Variants in KCNJ13 observed in about 807,000 individuals in gnomAD.
KCNJ13 encodes inward rectifier potassium channel 13.
Under a neutral mutation model 24.6 loss-of-function variants are expected in KCNJ13, and 9 were observed. The ratio of observed to expected loss-of-function variants is 0.37; its 90% CI spans 0.22 to 0.64. The LOEUF is 0.64. Among genes scored for constraint, KCNJ13 ranks in the 30% least tolerant of loss-of-function variants. The pLI is 0.64. For missense variants in KCNJ13, 337 were observed against 443.8 expected (o/e 0.76, Z 2.16); for synonymous variants, 148 against 154.7 (o/e 0.96, Z 0.32).
At position 232,766,706 on chromosome 2, in the gene KCNJ13, C is replaced by T. The variant is rs1698977660; in HGVS notation, c.*1485G>A. On this transcript the variant is annotated 3_prime_UTR_variant, in exon 3 of 3. Transcript: ENST00000233826. ...AGTCTTAGACCACTCCAGAGTTCTT[C>T]TTTATTTTCTTTTCCTTTTGGTCAA... 6.6e-6 allele frequency: 1 copy of T among 152,194 alleles called. No homozygotes were observed. Among genetic ancestry groups the T allele is most frequent in the African/African-American group, 2.4e-5 (1 of 41,462 alleles). 9.4% of individuals were successfully genotyped at this position (152,194 alleles called of 1,614,324 possible).
intron 1 of KCNJ13, among the ~76,000 whole-genome samples, chr2:232,775,006 A>G (rs1348557980): frequency 1.3e-5 from 2 of 152,000 alleles, no homozygotes; most frequent in Non-Finnish European, 2.9e-5. Context: ...AACTAAATAC[A>G]TGGAAAAACC....
At chr2:232,773,751 C>G (rs1699381398) in intron 1 of KCNJ13, among the ~76,000 whole-genome samples, 2 of 151,750 alleles carry the variant, frequency 1.3e-5, no homozygotes, top group Non-Finnish European at 2.9e-5. Context: ...TGATGTGAAG[C>G]CAGTGGCACA....
At position 232,766,249 on chromosome 2, in the gene KCNJ13, G is replaced by GT. The variant is rs1267654991; in HGVS notation, c.*1941dup. On this transcript the variant is annotated 3_prime_UTR_variant, in exon 3 of 3. Coordinates refer to ENST00000233826, the MANE Select transcript of KCNJ13 (RefSeq NM_002242.4). The stretch of plus-strand genomic sequence containing the variant: ...ATTAAATAACAGTAGTTTACCAATA[G>GT]TTTTTTTTGGCATGTGTAGGGGAAG... 2.0e-5 allele frequency among the ~76,000 whole-genome samples: 3 copies of GT among 151,912 alleles called. No homozygotes were observed. The highest frequency in any genetic ancestry group is 4.4e-5 in the Non-Finnish European group (3 of 67,956).
In KCNJ13 at chr2:232,768,761, G is replaced by A. The variant is rs765588259; in HGVS notation, c.513C>T (p.Arg171=). Residue 171 remains arginine (R), a synonymous_variant, in exon 3 of 3, where the codon CGC becomes CGT. Transcript: ENST00000233826. The part of the protein sequence containing the change: ...ARPKNRAFSI[R]FTDTAVVAHM... The stretch of plus-strand genomic sequence containing the variant: ...GAGCTACTACTGCTGTGTCAGTAAA[G>A]CGAATTGAAAAAGCTCGATTTTTTG... The A allele has an allele frequency of 1.6e-5, 26 of 1,600,760 alleles. No individual in the cohort carries two copies. The highest frequency in any genetic ancestry group is 2.2e-5 in the Non-Finnish European group (26 of 1,170,646).
chr2:232,768,533 A>G lies in KCNJ13; in HGVS notation c.741T>C (p.Ile247=), dbSNP rs1213869211. ...GAGTAGCCAGAGGACTTGATGGTGTAATGGAGTGATAGTACGTTAGTGGAA... is the reference window on the plus strand; with the variant it reads ...GAGTAGCCAGAGGACTTGATGGTGTGATGGAGTGATAGTACGTTAGTGGAA... The part of the protein sequence containing the change: ...FIFPLTYYHS[I]TPSSPLATLL... Residue 247 remains isoleucine (I), a synonymous_variant, in exon 3 of 3, where the codon ATT becomes ATC. Transcript: ENST00000233826. 6.2e-7 allele frequency: 1 copy of G among 1,614,008 alleles called. No homozygotes were observed. Among genetic ancestry groups the G allele is most frequent in the Non-Finnish European group, 8.5e-7 (1 of 1,179,980 alleles).
intron 1 of KCNJ13, among the ~76,000 whole-genome samples, chr2:232,772,042 T>A (rs1028128527): frequency 2.6e-5 from 4 of 152,222 alleles, no homozygotes; most frequent in African/African-American, 9.6e-5. Flanking sequence ...TGGAGTGCAG[T>A]GGCACAATCA....
At position 232,766,042 on chromosome 2, in the gene KCNJ13, C is replaced by T; in HGVS notation, c.*2149G>A. The T allele has an allele frequency of 2.1e-6, 1 of 470,928 alleles. No homozygotes were observed. Among genetic ancestry groups the T allele is most frequent in the Non-Finnish European group, 4.4e-6 (1 of 226,926 alleles). 29.2% of individuals were successfully genotyped at this position (470,928 alleles called of 1,614,324 possible). ...TTCCTCCCTCCCAGTAATTTCCGCC[C>T]TTTTTCCATTGTTACTTCCTTTTCC... is the stretch of plus-strand genomic sequence containing the variant. On this transcript the variant is annotated 3_prime_UTR_variant, in exon 3 of 3. Coordinates refer to ENST00000233826, the MANE Select transcript of KCNJ13 (RefSeq NM_002242.4).
chr2:232,768,364 T>G lies in KCNJ13; in HGVS notation c.910A>C (p.Thr304Pro). ...MLHHCFASLL[T>P]RGSKGEYQIK... is the part of the protein sequence containing the mutation. ...TGATATTCACCTTTGGAACCTCGGG[T>G]CAACAGAGATGCAAAACAGTGATGT... The change falls in exon 3 of 3, where the codon ACC becomes CCC. Residue 304 changes from threonine to proline, a missense_variant. Coordinates refer to ENST00000233826, the MANE Select transcript of KCNJ13 (RefSeq NM_002242.4). 1 of 1,614,098 alleles carries G rather than the reference T, an allele frequency of 6.2e-7. No individual in the cohort carries two copies. The highest frequency in any genetic ancestry group is 8.5e-7 in the Non-Finnish European group (1 of 1,180,014).
At chr2:232,773,911 A>T (rs79425337) in intron 1 of KCNJ13, among the ~76,000 whole-genome samples, 1,698 of 66,194 alleles carry the variant, frequency 0.026, 39 homozygotes, top group African/African-American at 0.089. Flanking sequence ...GTCTCTATTT[A>T]AAAAAAAAAA....
At chr2:232,770,835 C>T (rs1699213922) in intron 2 of KCNJ13, 68 bp downstream of exon 2, 1 of 1,113,008 alleles carries the variant, frequency 9.0e-7, no homozygotes, top group South Asian at 1.3e-5. Flanking sequence ...ATACCCTTTC[C>T]AAACACCTGT....
At position 232,771,212 on chromosome 2, in the gene KCNJ13, T is replaced by C. The variant is rs747234040; in HGVS notation, c.151A>G (p.Met51Val). 3.1e-6 allele frequency: 5 copies of C among 1,612,838 alleles called. No homozygotes were observed. The highest frequency in any genetic ancestry group is 2.2e-5 in the South Asian group (2 of 91,060). Residue 51 changes from methionine to valine, a missense_variant, in exon 2 of 3, where the codon ATG (methionine) becomes GTG (valine). By Grantham distance (21) the Met-to-Val change is conservative. Transcript: ENST00000233826. ...LRDAWGILMDMRWRWMMLVFS... is the reference protein window; with the variant it reads ...LRDAWGILMDVRWRWMMLVFS... Reference sequence around the variant, plus strand: ...ACCAACATCATCCAACGCCAGCGCATGTCCATTAGGATTCCCCAAGCATCT... The same window carrying C: ...ACCAACATCATCCAACGCCAGCGCACGTCCATTAGGATTCCCCAAGCATCT...
At chr2:232,768,905 AT>A (rs1354375823) in intron 2 of KCNJ13, 92 bp from the exon 3 acceptor site, 12 of 1,142,412 alleles carry the variant, frequency 1.1e-5, no homozygotes, top group African/African-American at 1.6e-5. Flanking sequence ...ATATTTACAC[AT>A]TTCTTGGTGC....
chr2:232,775,241 A>G (rs1239662243), intron 1 of KCNJ13, among the ~76,000 whole-genome samples: 1 of 152,130 alleles, frequency 6.6e-6, no homozygotes, highest in Non-Finnish European at 1.5e-5. Flanking sequence ...ATAAGGGGAT[A>G]TGGCCTTCAG....
At chr2:232,770,746 C>T (rs528902715) in intron 2 of KCNJ13, among the ~76,000 whole-genome samples, 157 bp downstream of exon 2, 1 of 151,834 alleles carries the variant, frequency 6.6e-6, no homozygotes, top group South Asian at 2.1e-4. Flanking sequence ...TGGCTCTAAA[C>T]TGTTTCTTTT....
At position 232,768,083 on chromosome 2, in the gene KCNJ13, G is replaced by GT; in HGVS notation, c.*107dup. 9.2e-7 allele frequency: 1 copy of GT among 1,081,222 alleles called. No homozygotes were observed. The highest frequency in any genetic ancestry group is 1.6e-5 in the African/African-American group (1 of 64,336). The allele number at this position is 1,081,222 out of a possible 1,614,324, so 67.0% of individuals were successfully genotyped here. A position where few individuals can be genotyped will look rare whatever the true frequency, so the allele number is the denominator to read the frequency against. ...TAGGCATAGGCATGATTACCGTGAT[G>GT]TAGAGAGCTATAATTAGCATTGAAA... On this transcript the variant is annotated 3_prime_UTR_variant, in exon 3 of 3. Coordinates refer to ENST00000233826, the MANE Select transcript of KCNJ13 (RefSeq NM_002242.4).
chr2:232,774,081 A>G (rs1351025367), intron 1 of KCNJ13, among the ~76,000 whole-genome samples: 1 of 151,936 alleles, frequency 6.6e-6, no homozygotes, highest in Non-Finnish European at 1.5e-5. Flanking sequence ...CGGGAATTCA[A>G]GACCGATCTG....
In KCNJ13 at chr2:232,768,494, T is replaced by A; in HGVS notation, c.780A>T (p.Glu260Asp). Residue 260 changes from glutamate (E) to aspartate (D), a missense_variant, in exon 3 of 3, where the codon GAA becomes GAT. Glu to Asp is a conservative substitution (Grantham distance 45). Transcript: ENST00000233826. ...SSPLATLLQH[E>D]NPSHFELVVF... Reference sequence around the variant, plus strand: ...CAACTAATTCAAAGTGAGAAGGATTTTCATGCTGGAGCAGAGTAGCCAGAG... The same window carrying A: ...CAACTAATTCAAAGTGAGAAGGATTATCATGCTGGAGCAGAGTAGCCAGAG... The A allele has an allele frequency of 6.2e-7, 1 of 1,614,194 alleles. No individual in the cohort carries two copies. The highest frequency in any genetic ancestry group is 8.5e-7 in the Non-Finnish European group (1 of 1,180,004).
chr2:232,768,198 G>C lies in KCNJ13; in HGVS notation c.1076C>G (p.Thr359Arg), dbSNP rs535054686. Residue 359 changes from threonine to arginine, a missense_variant, in exon 3 of 3, where the codon ACA (threonine) becomes AGA (arginine). Coordinates refer to ENST00000233826, the MANE Select transcript of KCNJ13 (RefSeq NM_002242.4). ...DNFQISETGL[T>R]E ...TTAAAAAATGGATAAGTCTTATTCT[G>C]TCAGTCCTGTTTCAGAGATCTGAAA... is the stretch of plus-strand genomic sequence containing the variant. 1 of 1,613,956 alleles carries C rather than the reference G, an allele frequency of 6.2e-7. No homozygotes were observed. Among genetic ancestry groups the C allele is most frequent in the Admixed American group, 1.7e-5 (1 of 60,022 alleles).
chr2:232,767,407 A>G lies in KCNJ13; in HGVS notation c.*784T>C, dbSNP rs1699018564. 2.0e-5 allele frequency: 3 copies of G among 152,546 alleles called. No homozygotes were observed. The South Asian group carries it at 6.2e-4, about 32-fold the overall frequency. The allele number at this position is 152,546 out of a possible 1,614,324, so 9.4% of individuals were successfully genotyped here. A position where few individuals can be genotyped will look rare whatever the true frequency, so the allele number is the denominator to read the frequency against. ...GGGGAATGTTTTTACTTAGGTTGCT[A>G]GAAGTCATTTAGATGAATCACCGTT... On this transcript the variant is annotated 3_prime_UTR_variant, in exon 3 of 3. Transcript: ENST00000233826.
Sources: gnomAD v4.1 joint callset for allele counts (sites outside exome capture counted in the v4.1 genomes callset) on GRCh38, gnomAD v4.1.1 for gene constraint, MANE v1.5 for transcripts, NCBI Gene and HGNC (gene_info 2026-07-23, HGNC 2026-07-21) for gene names.